HPSE2: variants seen among roughly 807,000 people sequenced by gnomAD.
The protein encoded by HPSE2 is inactive heparanase-2.
A neutral mutation model predicts 60.5 loss-of-function variants in HPSE2; 38 were observed. The observed-to-expected ratio is 0.63, with a 90% CI of 0.48 to 0.82. The LOEUF (loss-of-function observed/expected upper bound fraction) is 0.82. HPSE2 is among the 40% of genes least tolerant of loss of function. The pLI is 0.00. For synonymous variants in HPSE2, 295 were observed against 293.2 expected (o/e 1.01, Z -0.06); for missense variants, 713 against 740.4 (o/e 0.96, Z 0.43).
intron 3 of HPSE2, among the ~76,000 whole-genome samples, chr10:98,879,433 C>T (rs1016710883): frequency 6.6e-6 from 1 of 152,022 alleles, no homozygotes; most frequent in African/African-American, 2.4e-5. Flanking sequence ...TAAACATTTT[C>T]AACAGAGAAA....
At chr10:99,125,423 T>G (rs1022181711) in intron 3 of HPSE2, among the ~76,000 whole-genome samples, 1 of 152,134 alleles carries the variant, frequency 6.6e-6, no homozygotes, top group East Asian at 1.9e-4. Flanking sequence ...ACTATAATAT[T>G]AGGAAGCTGA....
chr10:98,744,440 T>C (rs1196363018), intron 3 of HPSE2, among the ~76,000 whole-genome samples: 2 of 152,000 alleles, frequency 1.3e-5, no homozygotes, highest in African/African-American at 4.8e-5. Context: ...GGCAGGAGAA[T>C]CGCTTGAACC....
intron 3 of HPSE2, among the ~76,000 whole-genome samples, chr10:98,788,960 G>C (rs1205155875): frequency 1.3e-5 from 2 of 152,040 alleles, no homozygotes; most frequent in Non-Finnish European, 2.9e-5. Flanking sequence ...CGGCCATCTT[G>C]GCTCCTCCTC....
chr10:98,641,698 A>G, intron 7 of HPSE2, 149 bp downstream of exon 7: 1 of 735,568 alleles, frequency 1.4e-6, no homozygotes, highest in Admixed American at 1.8e-5. Flanking sequence ...TGTGATGGGG[A>G]GCTTGTGACC....
chr10:99,212,761 C>T (rs1848992508), intron 2 of HPSE2, among the ~76,000 whole-genome samples: 1 of 151,980 alleles, frequency 6.6e-6, no homozygotes, highest in South Asian at 2.1e-4. Context: ...TTTAAAATCG[C>T]TAAGAGAATA....
intron 3 of HPSE2, among the ~76,000 whole-genome samples, chr10:98,789,307 TTA>T (rs1272532898): frequency 6.6e-6 from 1 of 152,210 alleles, no homozygotes; most frequent in African/African-American, 2.4e-5. Flanking sequence ...TTGGGACACA[TTA>T]ACATAGTTGG....
intron 3 of HPSE2, among the ~76,000 whole-genome samples, chr10:98,847,328 C>T (rs1012238435): frequency 3.9e-5 from 6 of 152,092 alleles, no homozygotes; most frequent in African/African-American, 1.4e-4. Context: ...AGGAATTTGC[C>T]GAGTGCTTCA....
At chr10:98,960,897 C>T (rs1310991433) in intron 3 of HPSE2, among the ~76,000 whole-genome samples, 4 of 101,976 alleles carry the variant, frequency 3.9e-5, no homozygotes, top group Non-Finnish European at 5.8e-5. Flanking sequence ...CCCCCTCCCC[C>T]GACCCCACCA....
chr10:98,726,222 C>T (rs1949074700), intron 4 of HPSE2, among the ~76,000 whole-genome samples: 1 of 152,096 alleles, frequency 6.6e-6, no homozygotes. Context: ...ATAGCAAAGA[C>T]TTGGAACCCA....
chr10:99,004,688 T>C (rs1267273447), intron 3 of HPSE2, among the ~76,000 whole-genome samples: 2 of 152,212 alleles, frequency 1.3e-5, no homozygotes, highest in Non-Finnish European at 2.9e-5. Context: ...ATTACCTTTA[T>C]AGTATTAGAT....
At chr10:98,707,120 AGAAACACT>A (rs1258864846) in intron 5 of HPSE2, among the ~76,000 whole-genome samples, 2 of 151,742 alleles carry the variant, frequency 1.3e-5, no homozygotes, top group African/African-American at 4.8e-5. Context: ...GGCCCACTTT[AGAAACACT>A]GTTGGTGTGC....
At chr10:98,693,632 T>A (rs568036921) in intron 6 of HPSE2, among the ~76,000 whole-genome samples, 1 of 152,234 alleles carries the variant, frequency 6.6e-6, no homozygotes, top group East Asian at 1.9e-4. Context: ...TGTTCACTGA[T>A]GACAGATTAA....
chr10:98,959,560 T>C (rs1955596760), intron 3 of HPSE2, among the ~76,000 whole-genome samples: 1 of 152,112 alleles, frequency 6.6e-6, no homozygotes, highest in African/African-American at 2.4e-5. Context: ...ATGATACTAA[T>C]GTGTTCAATG....
At chr10:98,812,059 G>A (rs1375084529) in intron 3 of HPSE2, among the ~76,000 whole-genome samples, 1 of 152,048 alleles carries the variant, frequency 6.6e-6, no homozygotes, top group African/African-American at 2.4e-5. Flanking sequence ...CATTTTTGTA[G>A]ATTTTTTGAA....
intron 9 of HPSE2, among the ~76,000 whole-genome samples, chr10:98,571,526 A>G (rs569943976): frequency 5.2e-4 from 79 of 152,342 alleles, no homozygotes; most frequent in African/African-American, 1.7e-3. Context: ...ACAAAATTAC[A>G]TTTTCTCTGT....
At chr10:99,275,718 C>T in the HPSE2 span, among the ~76,000 whole-genome samples, 5 of 152,124 alleles carry the variant, frequency 3.3e-5, no homozygotes, top group East Asian at 1.9e-4. Context: ...CAGTAACATC[C>T]GTCTTGGGTC....
At chr10:98,471,253 A>G (rs1940768668) in intron 11 of HPSE2, among the ~76,000 whole-genome samples, 1 of 152,206 alleles carries the variant, frequency 6.6e-6, no homozygotes, top group Non-Finnish European at 1.5e-5. Context: ...CCTTGACCAC[A>G]TATTTGAATC....
intron 9 of HPSE2, among the ~76,000 whole-genome samples, chr10:98,517,302 C>A (rs1942635202): frequency 6.6e-6 from 1 of 152,056 alleles, no homozygotes; most frequent in Non-Finnish European, 1.5e-5. Flanking sequence ...GCTATAACAA[C>A]CAAAAATGTC....
chr10:98,558,178 G>A (rs931170862), intron 9 of HPSE2, among the ~76,000 whole-genome samples: 2 of 152,090 alleles, frequency 1.3e-5, no homozygotes, highest in Admixed American at 1.3e-4. Flanking sequence ...ATACACTGCT[G>A]GTAGGAATAT....
Sources: allele counts gnomAD v4.1 joint callset (sites outside exome capture counted in the v4.1 genomes callset), GRCh38; gene constraint gnomAD v4.1.1; transcripts MANE v1.5; gene names NCBI Gene and HGNC (gene_info 2026-07-23, HGNC 2026-07-21).